Variants in EIF2B4 observed in about 807,000 individuals in gnomAD.
EIF2B4 encodes translation initiation factor eIF2B subunit delta.
In EIF2B4, 34 loss-of-function variants were observed where a neutral mutation model predicts 66.7. The ratio of observed to expected loss-of-function variants is 0.51; its 90% confidence interval spans 0.39 to 0.68. The LOEUF (loss-of-function observed/expected upper bound fraction) is 0.68. EIF2B4 is among the 30% of genes least tolerant of loss of function. The pLI, the probability that EIF2B4 is intolerant of heterozygous loss-of-function variation, is 0.00. For missense variants in EIF2B4, 618 were observed against 657.9 expected (o/e 0.94, Z 0.66); for synonymous variants, 278 against 253.6 (o/e 1.10, Z -0.92).
chr2:27,366,466 T>C (rs1156632987), intron 11 of EIF2B4: 3 of 433,916 alleles, frequency 6.9e-6, no homozygotes, highest in African/African-American at 6.0e-5. Flanking sequence ...GGGGAACTGC[T>C]TGAGCCCAGG....
chr2:27,369,340 T>G (rs888820351), intron 3 of EIF2B4, 74 bp downstream of exon 3: 1 of 1,590,716 alleles, frequency 6.3e-7, no homozygotes, highest in Non-Finnish European at 8.5e-7. Context: ...TTGTCCTGTC[T>G]CTCCCTTATC....
intron 1 of EIF2B4, 47 bp from the exon 2 acceptor site, chr2:27,369,966 G>T (rs780076284): frequency 6.4e-7 from 1 of 1,553,598 alleles, no homozygotes; most frequent in South Asian, 1.2e-5. Context: ...GACTCCGGGA[G>T]GGTTTGGGGG....
intron 2 of EIF2B4, 136 bp downstream of exon 2, chr2:27,369,740 G>T (rs1447251090): frequency 1.4e-5 from 20 of 1,436,820 alleles, no homozygotes; most frequent in Admixed American, 2.2e-5. Flanking sequence ...TATCCCTAGG[G>T]TTGCAAGACC....
intron 1 of EIF2B4, 75 bp from the exon 2 acceptor site, chr2:27,369,994 G>T (rs952248598): frequency 2.6e-6 from 4 of 1,537,922 alleles, no homozygotes; most frequent in Middle Eastern, 1.7e-4. Context: ...ACTCGGCGCA[G>T]CCGGCTGCTG....
At chr2:27,370,239 T>G in intron 1 of EIF2B4, 45 bp downstream of exon 1, 2 of 1,542,882 alleles carry the variant, frequency 1.3e-6, no homozygotes, top group Non-Finnish European at 1.7e-6. Flanking sequence ...TGTCCGGAGC[T>G]CGTCGGCTCC....
At chr2:27,369,331 T>A (rs1682152194) in intron 3 of EIF2B4, 83 bp downstream of exon 3, 1 of 1,610,478 alleles carries the variant, frequency 6.2e-7, no homozygotes, top group East Asian at 2.2e-5. Flanking sequence ...AAATCAACTT[T>A]GTCCTGTCTC....
chr2:27,369,697 G>C, intron 2 of EIF2B4, 148 bp from the exon 3 acceptor site: 2 of 1,494,302 alleles, frequency 1.3e-6, no homozygotes, highest in South Asian at 2.3e-5. Context: ...CATCCACAGA[G>C]GCTGACGTTT....
At chr2:27,366,525 A>T in intron 11 of EIF2B4, 1 of 571,626 alleles carries the variant, frequency 1.7e-6, no homozygotes, top group Non-Finnish European at 3.1e-6. Flanking sequence ...CAAGAAAAAT[A>T]AAAAACTAGC....
rs149782530 is a variant in EIF2B4, at chr2:27,367,517, G to C, written c.825C>G (p.Asn275Lys). Residue 275 changes from asparagine to lysine, a missense_variant, in exon 9 of 13, where the codon AAC (asparagine) becomes AAG (lysine). By Grantham distance (94) the Asn-to-Lys change is moderately conservative. Transcript: ENST00000347454. ...TTTCCTTGTTAAGGAACTTGATGGC[G>C]TTGTGCATGCTCGCTGACAGGGGAC... is the stretch of plus-strand genomic sequence containing the variant. ...QCRPLSASMHNAIKFLNKEIT... is the reference protein window; with the variant it reads ...QCRPLSASMHKAIKFLNKEIT... The C allele has an allele frequency of 3.7e-6, 6 of 1,613,928 alleles. No individual in the cohort carries two copies. Among genetic ancestry groups the C allele is most frequent in the Admixed American group, 1.7e-5 (1 of 59,978 alleles).
rs1406758215 is a variant in EIF2B4, at chr2:27,364,864, A to G, written c.1226T>C (p.Leu409Ser). 2 of 1,614,076 alleles carry G rather than the reference A, an allele frequency of 1.2e-6. No individual in the cohort carries two copies. Among genetic ancestry groups the G allele is most frequent in the Non-Finnish European group, 1.7e-6 (2 of 1,180,044 alleles). The change falls in exon 12 of 13, where the codon TTG becomes TCG. Residue 409 changes from leucine (L) to serine (S), a missense_variant. By Grantham distance (145) the Leu-to-Ser change is moderately radical (BLOSUM62 -2). Coordinates refer to ENST00000347454, the MANE Select transcript of EIF2B4 (RefSeq NM_001034116.2). ...SKVLLGAHAL[L>S]ANGSVMSRVG... The stretch of plus-strand genomic sequence containing the variant: ...CCGTGACATCACAGACCCGTTGGCC[A>G]AGAGTGCATGAGCTCCCAATAGCAC...
intron 1 of EIF2B4, 152 bp from the exon 2 acceptor site, chr2:27,370,071 G>A (rs1448346106): frequency 6.6e-7 from 1 of 1,504,760 alleles, no homozygotes; most frequent in Non-Finnish European, 8.9e-7. Flanking sequence ...GGGACGCACT[G>A]CGCGGCGGAT....
intron 1 of EIF2B4, 84 bp downstream of exon 1, chr2:27,370,200 C>T: frequency 6.6e-7 from 1 of 1,517,018 alleles, no homozygotes; most frequent in Non-Finnish European, 8.8e-7. Flanking sequence ...AGCGGCGGGG[C>T]CCAAAGGCGC....
Position 27,367,331 on chromosome 2 carries a change from G to C in EIF2B4, c.885+126C>G, listed in dbSNP as rs1051355102. The C allele has an allele frequency of 1.9e-6, 3 of 1,574,304 alleles. No individual in the cohort carries two copies. In the South Asian group the frequency reaches 3.3e-5, roughly 18 times the overall value. On this transcript the variant is annotated intron_variant, in intron 9 of 12. Transcript: ENST00000347454. Reference sequence around the variant, plus strand: ...CTCAGAGATGGCACAAGTCAGAATGGCCAAACCATTCCTTAACCCTTGACT... The same window carrying C: ...CTCAGAGATGGCACAAGTCAGAATGCCCAAACCATTCCTTAACCCTTGACT...
Position 27,367,488 on chromosome 2 carries a change from G to A in EIF2B4, c.854C>T (p.Thr285Ile). 6.2e-7 allele frequency: 1 copy of A among 1,614,096 alleles called. No homozygotes were observed. The highest frequency in any genetic ancestry group is 8.5e-7 in the Non-Finnish European group (1 of 1,180,040). ...TTCCCGCTTGGAACTGCCCACACTG[G>A]TGATTTCCTTGTTAAGGAACTTGAT... ...NAIKFLNKEITSVGSSKREEE... is the reference protein window; with the variant it reads ...NAIKFLNKEIISVGSSKREEE... The change falls in exon 9 of 13, where the codon ACC (threonine) becomes ATC (isoleucine). Residue 285 changes from threonine to isoleucine, a missense_variant. Physicochemically the swap from Thr to Ile is moderately conservative, Grantham distance 89. Coordinates refer to ENST00000347454, the MANE Select transcript of EIF2B4 (RefSeq NM_001034116.2).
intron 8 of EIF2B4, 50 bp from the exon 9 acceptor site, chr2:27,367,609 C>T (rs769195687): frequency 3.7e-6 from 6 of 1,603,444 alleles, no homozygotes; most frequent in South Asian, 2.2e-5. Context: ...TCACAACTTA[C>T]AAAGCCTTCA....
intron 1 of EIF2B4, 93 bp from the exon 2 acceptor site, chr2:27,370,012 A>G (rs774390106): frequency 1.3e-6 from 2 of 1,528,290 alleles, no homozygotes; most frequent in East Asian, 2.5e-5. Flanking sequence ...CTGGGTTGGC[A>G]TGACCACGGA....
intron 12 of EIF2B4, 39 bp from the exon 13 acceptor site, chr2:27,364,638 A>G: frequency 6.2e-7 from 1 of 1,614,188 alleles, no homozygotes; most frequent in Non-Finnish European, 8.5e-7. Flanking sequence ...CTTTCAGAAA[A>G]GAAGTTCTAG....
At position 27,370,255 on chromosome 2, in the gene EIF2B4, C is replaced by A. The variant is rs1682309916; in HGVS notation, c.31+29G>T. The A allele has an allele frequency of 1.9e-6, 3 of 1,547,072 alleles. No homozygotes were observed. The East Asian group carries it at 7.2e-5, about 37-fold the overall frequency. The stretch of plus-strand genomic sequence containing the variant: ...GTCCGGAGCTCGTCGGCTCCGCGTA[C>A]CAGTAGGCAGGCCCGGCTCTTCACT... On this transcript the variant is annotated intron_variant, in intron 1 of 12. Transcript: ENST00000347454.
chr2:27,369,688 A>G, intron 2 of EIF2B4, 139 bp from the exon 3 acceptor site: 1 of 1,517,590 alleles, frequency 6.6e-7, no homozygotes, highest in South Asian at 1.1e-5. Flanking sequence ...GCAAGCTTAC[A>G]TCCACAGAGG....
Sources: allele counts gnomAD v4.1 joint callset, GRCh38; gene constraint gnomAD v4.1.1; transcripts MANE v1.5; gene names NCBI Gene and HGNC (gene_info 2026-07-23, HGNC 2026-07-21).